The following ROBO1 variants were observed in gnomAD, a reference collection of about 807,000 sequenced individuals.
The protein encoded by ROBO1 is roundabout guidance receptor 1.
ROBO1 carries 149 observed loss-of-function variants against 195.9 expected under a neutral mutation model. That is an observed-to-expected ratio of 0.76 (90% CI 0.67 to 0.87). ROBO1 has a LOEUF of 0.87. Among genes scored for constraint, ROBO1 ranks in the 40% least tolerant of loss-of-function variants. The probability of loss-of-function intolerance (pLI) is 0.00; values close to 1 mark genes in which losing one functional copy is unlikely to be tolerated. For missense variants in ROBO1, 1,933 were observed against 2,068.3 expected (o/e 0.93, Z 1.27); for synonymous variants, 816 against 733.2 (o/e 1.11, Z -1.82).
chr3:79,241,393 A>G (rs961788408), intron 2 of ROBO1, among the ~76,000 whole-genome samples: 28 of 152,160 alleles, frequency 1.8e-4, no homozygotes, highest in African/African-American at 6.5e-4. Flanking sequence ...TTATCAAGTA[A>G]ATGTATTAAC....
rs769649894 is a variant in ROBO1 at position 78,667,873 on chromosome 3, C to A, written c.1966+10G>T. On this transcript the variant is annotated intron_variant, in intron 14 of 30. Transcript: ENST00000464233. Reference sequence around the variant, plus strand: ...GTAGGTGTCACAGGTTTAAGTAAATCAATATTTACCTTGTGTTTTCACTGG... The same window carrying A: ...GTAGGTGTCACAGGTTTAAGTAAATAAATATTTACCTTGTGTTTTCACTGG... 3.1e-6 allele frequency: 5 copies of A among 1,610,812 alleles called. No homozygotes were observed. The African/African-American group carries it at 6.7e-5, about 22-fold the overall frequency.
At chr3:78,733,525 G>T (rs1161745079) in intron 5 of ROBO1, among the ~76,000 whole-genome samples, 1 of 151,642 alleles carries the variant, frequency 6.6e-6, no homozygotes, top group East Asian at 1.9e-4. Flanking sequence ...TAAAAATAGG[G>T]AATTACTAAA....
chr3:79,114,318 C>T (rs1232667615), intron 3 of ROBO1, among the ~76,000 whole-genome samples: 1 of 152,158 alleles, frequency 6.6e-6, no homozygotes, highest in Non-Finnish European at 1.5e-5. Context: ...TCAACAGAGA[C>T]CTTGGCACAT....
intron 3 of ROBO1, among the ~76,000 whole-genome samples, chr3:78,951,421 A>G (rs2040779479): frequency 6.6e-6 from 1 of 152,148 alleles, no homozygotes; most frequent in African/African-American, 2.4e-5. Flanking sequence ...TTATGTAATA[A>G]GATACAAAAT....
At chr3:78,691,265 G>A (rs542536173) in intron 8 of ROBO1, among the ~76,000 whole-genome samples, 103 of 152,142 alleles carry the variant, frequency 6.8e-4, no homozygotes, top group Non-Finnish European at 7.8e-4. Flanking sequence ...TATTTATGAT[G>A]AAATTTTGGA....
intron 2 of ROBO1, among the ~76,000 whole-genome samples, chr3:79,416,047 T>G (rs1276678264): frequency 6.6e-6 from 1 of 151,496 alleles, no homozygotes; most frequent in Non-Finnish European, 1.5e-5. Flanking sequence ...GAATGATGAG[T>G]GTTGGGTCAG....
chr3:79,348,030 G>A (rs1310087319), intron 2 of ROBO1, among the ~76,000 whole-genome samples: 1 of 151,950 alleles, frequency 6.6e-6, no homozygotes, highest in East Asian at 1.9e-4. Flanking sequence ...TGACCAACAT[G>A]GTGAAACCCG....
At chr3:79,164,532 A>T (rs1464138104) in intron 2 of ROBO1, among the ~76,000 whole-genome samples, 1 of 151,924 alleles carries the variant, frequency 6.6e-6, no homozygotes, top group African/African-American at 2.4e-5. Flanking sequence ...CACCATCCTC[A>T]TTTGCCTGCT....
chr3:79,754,298 C>T (rs529239111), intron 1 of ROBO1, among the ~76,000 whole-genome samples: 1 of 152,124 alleles, frequency 6.6e-6, no homozygotes, highest in South Asian at 2.1e-4. Flanking sequence ...GAGAGAGAAC[C>T]CCACTGAAGC....
At chr3:79,002,967 G>T (rs1174634507) in intron 3 of ROBO1, among the ~76,000 whole-genome samples, 1 of 152,022 alleles carries the variant, frequency 6.6e-6, no homozygotes, top group South Asian at 2.1e-4. Context: ...TGAAAACCTC[G>T]ATTCCCCAAT....
At chr3:79,422,734 T>C (rs2106947295) in intron 2 of ROBO1, among the ~76,000 whole-genome samples, 1 of 152,238 alleles carries the variant, frequency 6.6e-6, no homozygotes, top group Admixed American at 6.5e-5. Flanking sequence ...ATACCTAAGT[T>C]CTCAAACTGT....
intron 1 of ROBO1, among the ~76,000 whole-genome samples, chr3:79,608,547 TA>T (rs1378955742): frequency 6.6e-6 from 1 of 151,974 alleles, no homozygotes; most frequent in African/African-American, 2.4e-5. Flanking sequence ...AGGGGATGTT[TA>T]CAAACGTGGG....
intron 2 of ROBO1, among the ~76,000 whole-genome samples, chr3:79,378,149 T>C (rs774961921): frequency 9.1e-6 from 1 of 110,402 alleles, no homozygotes; most frequent in Non-Finnish European, 1.8e-5. Context: ...ATCTCTCTTA[T>C]GGTCACTCTC....
chr3:79,138,330 T>C (rs761458256), intron 2 of ROBO1, among the ~76,000 whole-genome samples: 9 of 152,028 alleles, frequency 5.9e-5, no homozygotes, highest in Admixed American at 4.6e-4. Context: ...CACTGGGCCA[T>C]AGTTTTGTTG....
intron 26 of ROBO1, among the ~76,000 whole-genome samples, chr3:78,620,470 C>A (rs1265872299): frequency 1.3e-5 from 2 of 152,088 alleles, no homozygotes; most frequent in East Asian, 1.9e-4. Context: ...CAAGATCGTG[C>A]CACTGCACTG....
intron 7 of ROBO1, among the ~76,000 whole-genome samples, chr3:78,716,772 T>A (rs1370133279): frequency 1.3e-5 from 2 of 152,140 alleles, no homozygotes; most frequent in African/African-American, 4.8e-5. Flanking sequence ...TTTATTTGAA[T>A]GGCACATTCC....
chr3:79,579,262 G>A (rs1013453002), intron 2 of ROBO1, among the ~76,000 whole-genome samples: 18 of 152,134 alleles, frequency 1.2e-4, no homozygotes, highest in African/African-American at 2.7e-4. Flanking sequence ...GAAAATTGTC[G>A]GTAAATGTTA....
At chr3:78,614,194 A>C (rs550710551) in intron 28 of ROBO1, among the ~76,000 whole-genome samples, 1 of 152,332 alleles carries the variant, frequency 6.6e-6, no homozygotes, top group African/African-American at 2.4e-5. Context: ...TTTGATGCCC[A>C]AAATAACTGT....
At chr3:79,008,238 T>C (rs533501708) in intron 3 of ROBO1, among the ~76,000 whole-genome samples, 42 of 152,304 alleles carry the variant, frequency 2.8e-4, no homozygotes, top group African/African-American at 9.9e-4. Context: ...CGACATTTCA[T>C]TTTGTGGTCT....
Sources: gnomAD v4.1 joint callset for allele counts (sites outside exome capture counted in the v4.1 genomes callset) on GRCh38, gnomAD v4.1.1 for gene constraint, MANE v1.5 for transcripts, NCBI Gene and HGNC (gene_info 2026-07-23, HGNC 2026-07-21) for gene names.